The following IP6K1 variants were observed in gnomAD, a reference collection of about 807,000 sequenced individuals.
The protein encoded by IP6K1 is ATP:1D-myo-inositol-hexakisphosphate phosphotransferase.
IP6K1 carries 13 observed loss-of-function variants against 38.3 expected under a neutral mutation model. That is an observed-to-expected ratio of 0.34 (90% CI 0.22 to 0.54). IP6K1 has a LOEUF of 0.54. Ranked by LOEUF, IP6K1 falls within the 20% of genes least tolerant of loss-of-function variation. The pLI is 0.92. For missense variants in IP6K1, 397 were observed against 599.8 expected (o/e 0.66, Z 3.53); for synonymous variants, 212 against 229.9 (o/e 0.92, Z 0.70).
intron 2 of IP6K1, among the ~76,000 whole-genome samples, chr3:49,745,866 A>T (rs1325366176): frequency 6.6e-6 from 1 of 151,862 alleles, no homozygotes; most frequent in Non-Finnish European, 1.5e-5. Flanking sequence ...AAAAAAAAAA[A>T]AAAAAAGACA....
intron 1 of IP6K1, among the ~76,000 whole-genome samples, chr3:49,778,582 G>A (rs1242609010): frequency 2.6e-5 from 4 of 152,044 alleles, no homozygotes; most frequent in Admixed American, 6.5e-5. Context: ...GTAGTGAGCC[G>A]AGATCGTGCC....
At chr3:49,761,861 A>C (rs2108250182) in intron 1 of IP6K1, among the ~76,000 whole-genome samples, 1 of 151,918 alleles carries the variant, frequency 6.6e-6, no homozygotes, top group East Asian at 1.9e-4. Context: ...CACCGAGATT[A>C]CTTAAGACCA....
At chr3:49,728,545 A>G in intron 4 of IP6K1, 1 of 463,156 alleles carries the variant, frequency 2.2e-6, no homozygotes, top group Non-Finnish European at 3.9e-6. Flanking sequence ...CATCACAACC[A>G]TCTATCTCTA....
chr3:49,741,201 T>TA (rs1351449771), intron 2 of IP6K1, among the ~76,000 whole-genome samples: 1 of 152,198 alleles, frequency 6.6e-6, no homozygotes. Flanking sequence ...TGCTGGATCA[T>TA]ATGGTTTCTG....
chr3:49,760,681 T>A (rs1250127336), intron 1 of IP6K1, among the ~76,000 whole-genome samples: 1 of 149,502 alleles, frequency 6.7e-6, no homozygotes, highest in East Asian at 2.0e-4. Context: ...GTTCCAAAGA[T>A]ACATCATTCC....
intron 2 of IP6K1, among the ~76,000 whole-genome samples, chr3:49,745,900 CA>C (rs2080717487): frequency 6.7e-6 from 1 of 150,228 alleles, no homozygotes; most frequent in Admixed American, 6.6e-5. Context: ...TCAAAATGGT[CA>C]AAGGACTTGA....
At position 49,774,371 on chromosome 3, in the gene IP6K1, G is replaced by T. The variant is rs532855147; in HGVS notation, c.-129+11983C>A. Among the ~76,000 whole-genome samples the T allele has an allele frequency of 6.8e-5, 9 of 132,224 alleles. No individual in the cohort carries two copies. The East Asian group carries it at 1.8e-3, about 27-fold the overall frequency. The allele number at this position is 132,224 out of a possible 152,430, so 86.7% of individuals were successfully genotyped here. A position where few individuals can be genotyped will look rare whatever the true frequency, so the allele number is the denominator to read the frequency against. On this transcript the variant is annotated intron_variant, in intron 1 of 5. Coordinates refer to ENST00000321599, the MANE Select transcript of IP6K1 (RefSeq NM_153273.4). The stretch of plus-strand genomic sequence containing the variant: ...TGCAGTGAGCTGAGATAGTGCCACT[G>T]CAGTCCAGCCTGGGCGAAAGAGCTA...
chr3:49,726,916 G>A lies in IP6K1; in HGVS notation c.*206C>T, dbSNP rs2080509369. 1 of 559,824 alleles carries A rather than the reference G, an allele frequency of 1.8e-6. No homozygotes were observed. Among genetic ancestry groups the A allele is most frequent in the Non-Finnish European group, 3.1e-6 (1 of 325,608 alleles). The allele number at this position is 559,824 out of a possible 1,614,324, so 34.7% of individuals were successfully genotyped here. Reference sequence around the variant, plus strand: ...ACACCAGTCAGAGCCACAAAGCTGAGGAGCCTGGCTGAGAGGGCGTGTGGT... The same window carrying A: ...ACACCAGTCAGAGCCACAAAGCTGAAGAGCCTGGCTGAGAGGGCGTGTGGT... On this transcript the variant is annotated 3_prime_UTR_variant, in exon 6 of 6. Coordinates refer to ENST00000321599, the MANE Select transcript of IP6K1 (RefSeq NM_153273.4).
chr3:49,751,902 T>C (rs2080780403), intron 1 of IP6K1, among the ~76,000 whole-genome samples: 1 of 152,206 alleles, frequency 6.6e-6, no homozygotes. Flanking sequence ...TAGGTTGACT[T>C]TCTGGTTATA....
At chr3:49,777,327 C>T (rs759402005) in intron 1 of IP6K1, among the ~76,000 whole-genome samples, 3 of 152,026 alleles carry the variant, frequency 2.0e-5, no homozygotes, top group Non-Finnish European at 4.4e-5. Flanking sequence ...CTTGGGAGGC[C>T]GAGGTGGATG....
chr3:49,736,609 A>G (rs924184949), intron 3 of IP6K1, among the ~76,000 whole-genome samples: 4 of 152,138 alleles, frequency 2.6e-5, no homozygotes, highest in Non-Finnish European at 4.4e-5. Context: ...TTGTTTATCC[A>G]TTCACCAGTT....
intron 1 of IP6K1, among the ~76,000 whole-genome samples, chr3:49,754,680 AAG>A (rs1324778484): frequency 2.0e-5 from 3 of 152,136 alleles, no homozygotes; most frequent in African/African-American, 7.2e-5. Context: ...GGCAGGGAAA[AAG>A]AGACTGCAAT....
At chr3:49,759,309 C>G (rs946777089) in intron 1 of IP6K1, among the ~76,000 whole-genome samples, 1 of 152,156 alleles carries the variant, frequency 6.6e-6, no homozygotes, top group African/African-American at 2.4e-5. Flanking sequence ...GACACAGACA[C>G]AGATGTATTC....
chr3:49,758,314 CAAAAAAAA>C (rs11359274), intron 1 of IP6K1, among the ~76,000 whole-genome samples: 1 of 54,404 alleles, frequency 1.8e-5, no homozygotes, highest in Non-Finnish European at 3.3e-5. Context: ...GACTCCATCT[CAAAAAAAA>C]AAAAAAAAAA....
At chr3:49,737,699 A>G (rs1483975289) in intron 3 of IP6K1, among the ~76,000 whole-genome samples, 1 of 152,202 alleles carries the variant, frequency 6.6e-6, no homozygotes, top group Admixed American at 6.5e-5. Flanking sequence ...AAAAAAACAT[A>G]ATTTGAACTT....
At chr3:49,760,802 T>G (rs754485876) in intron 1 of IP6K1, among the ~76,000 whole-genome samples, 2 of 152,124 alleles carry the variant, frequency 1.3e-5, no homozygotes, top group African/African-American at 2.4e-5. Flanking sequence ...GCTCTCAGGA[T>G]TCTGGGAGTC....
chr3:49,737,034 A>AGT (rs1217237093), intron 3 of IP6K1, among the ~76,000 whole-genome samples: 1 of 148,994 alleles, frequency 6.7e-6, no homozygotes, highest in Admixed American at 6.7e-5. Flanking sequence ...GGCCTCCCAA[A>AGT]GTGCTGGGAT....
intron 1 of IP6K1, among the ~76,000 whole-genome samples, chr3:49,773,809 C>T (rs1189362066): frequency 1.3e-5 from 2 of 152,106 alleles, no homozygotes; most frequent in African/African-American, 4.8e-5. Flanking sequence ...TAGCATGCTG[C>T]TTGACCCTGA....
chr3:49,762,413 C>G (rs115513357), intron 1 of IP6K1, among the ~76,000 whole-genome samples: 1 of 152,100 alleles, frequency 6.6e-6, no homozygotes, highest in Admixed American at 6.5e-5. Flanking sequence ...AGGTGGCGGG[C>G]GCCTGTAATC....
Sources: allele counts gnomAD v4.1 joint callset (sites outside exome capture counted in the v4.1 genomes callset), GRCh38; gene constraint gnomAD v4.1.1; transcripts MANE v1.5; gene names NCBI Gene and HGNC (gene_info 2026-07-23, HGNC 2026-07-21).